TRPM3: variants seen among roughly 807,000 people sequenced by gnomAD.
The protein encoded by TRPM3 is transient receptor potential cation channel subfamily M member 3.
In TRPM3, 77 loss-of-function variants were observed where a neutral mutation model predicts 181.2. That is an observed-to-expected ratio of 0.42 (90% CI 0.35 to 0.51). TRPM3 has a LOEUF of 0.51. Among genes scored for constraint, TRPM3 ranks in the 20% least tolerant of loss-of-function variants. The probability of loss-of-function intolerance (pLI) is 0.01; values close to 1 mark genes in which losing one functional copy is unlikely to be tolerated. For synonymous variants in TRPM3, 745 were observed against 796.4 expected (o/e 0.94, Z 1.09); for missense variants, 1,759 against 2,196.7 (o/e 0.80, Z 3.98).
intron 22 of TRPM3, among the ~76,000 whole-genome samples, chr9:70,557,627 G>A (rs2048039130): frequency 6.6e-6 from 1 of 152,170 alleles, no homozygotes; most frequent in Non-Finnish European, 1.5e-5. Context: ...ACCAGTATCT[G>A]GAGATTTATG....
At chr9:71,265,170 C>A (rs2083301743) in intron 1 of TRPM3, among the ~76,000 whole-genome samples, 1 of 152,028 alleles carries the variant, frequency 6.6e-6, no homozygotes, top group Non-Finnish European at 1.5e-5. Flanking sequence ...GTTAATAAAG[C>A]CACTCATATT....
At chr9:71,275,472 A>G (rs1361068481) in intron 1 of TRPM3, among the ~76,000 whole-genome samples, 1 of 152,152 alleles carries the variant, frequency 6.6e-6, no homozygotes, top group African/African-American at 2.4e-5. Flanking sequence ...ATTTGATTGC[A>G]ATAAAAATTC....
chr9:71,436,388 T>C (rs10114640), intron 1 of TRPM3, among the ~76,000 whole-genome samples: 21,621 of 147,446 alleles, frequency 0.15, 1,892 homozygotes, highest in African/African-American at 0.24. Flanking sequence ...CTGCAATCTC[T>C]GCCTCCTGGG....
intron 1 of TRPM3, among the ~76,000 whole-genome samples, chr9:71,259,131 G>T (rs1397653843): frequency 6.6e-6 from 1 of 151,998 alleles, no homozygotes; most frequent in Non-Finnish European, 1.5e-5. Flanking sequence ...ACTTATGAGT[G>T]AGAACATGTG....
chr9:70,625,371 A>G lies in TRPM3; in HGVS notation c.1669-40T>C, dbSNP rs2064378583. The G allele has an allele frequency of 6.2e-7, 1 of 1,612,618 alleles. No homozygotes were observed. Among genetic ancestry groups the G allele is most frequent in the East Asian group, 2.2e-5 (1 of 44,860 alleles). On this transcript the variant is annotated intron_variant, in intron 13 of 25. Transcript: ENST00000677713. The surrounding 1 kb of genome is among the most constrained non-coding windows in gnomAD (Gnocchi z 4.8). ...TGAAACAAACAGACAAATCCAAAAG[A>G]CAACGTGGTTTACTAGGGATTCTAC...
intron 21 of TRPM3, among the ~76,000 whole-genome samples, chr9:70,593,161 T>C (rs2058425644): frequency 6.6e-6 from 1 of 152,232 alleles, no homozygotes; most frequent in Admixed American, 6.5e-5. Context: ...GTTGCATGAC[T>C]TAAAAACCAA....
intron 1 of TRPM3, among the ~76,000 whole-genome samples, chr9:71,017,029 C>T (rs542980176): frequency 6.6e-6 from 1 of 152,206 alleles, no homozygotes; most frequent in East Asian, 1.9e-4. Context: ...TCAGATTTAA[C>T]CACTTGAGCA....
At chr9:70,933,085 A>G (rs1035519851) in intron 1 of TRPM3, among the ~76,000 whole-genome samples, 1 of 152,148 alleles carries the variant, frequency 6.6e-6, no homozygotes, top group East Asian at 1.9e-4. Context: ...AAAAGATGAA[A>G]CCATTTAATG....
At chr9:70,984,587 GAA>G (rs2097400487) in intron 1 of TRPM3, among the ~76,000 whole-genome samples, 1 of 152,208 alleles carries the variant, frequency 6.6e-6, no homozygotes, top group African/African-American at 2.4e-5. Flanking sequence ...CCAGTGACCA[GAA>G]AACAGATATT....
intron 22 of TRPM3, among the ~76,000 whole-genome samples, chr9:70,578,416 T>C (rs908427692): frequency 1.3e-5 from 2 of 152,118 alleles, no homozygotes; most frequent in African/African-American, 4.8e-5. Context: ...TTCTAAATCA[T>C]AGGTTAAGGC....
At chr9:70,692,074 T>A (rs890429976) in intron 8 of TRPM3, among the ~76,000 whole-genome samples, 4 of 152,240 alleles carry the variant, frequency 2.6e-5, no homozygotes, top group Admixed American at 6.5e-5. Context: ...GCTTTCTTTT[T>A]TCCCCCCTGC....
At chr9:70,983,973 G>A (rs1057286726) in intron 1 of TRPM3, among the ~76,000 whole-genome samples, 3 of 152,072 alleles carry the variant, frequency 2.0e-5, no homozygotes, top group African/African-American at 4.8e-5. Flanking sequence ...CATTTTTATC[G>A]ATGGTCTGGC....
chr9:71,315,104 G>C (rs2088433431), intron 1 of TRPM3, among the ~76,000 whole-genome samples: 1 of 152,080 alleles, frequency 6.6e-6, no homozygotes, highest in South Asian at 2.1e-4. Context: ...GTACATGGTA[G>C]GGTTTAATAA....
At chr9:70,689,536 A>T (rs561579314) in intron 8 of TRPM3, among the ~76,000 whole-genome samples, 1 of 151,564 alleles carries the variant, frequency 6.6e-6, no homozygotes, top group African/African-American at 2.4e-5. Context: ...AAAAAACAAC[A>T]AGAGAGATGA....
rs771584919 is a variant in TRPM3 at position 70,536,575 on chromosome 9, C to G, written c.4538G>C (p.Ser1513Thr). Residue 1513 changes from serine to threonine, a missense_variant, in exon 26 of 26, where the codon AGT becomes ACT. Coordinates refer to ENST00000677713, the MANE Select transcript of TRPM3 (RefSeq NM_001366145.2). Reference sequence around the variant, plus strand: ...GGGTGTGGTGGCTAGGTAGCGGCTACTTTTGGAACGCTCAATGGTGTGGTA... The same window carrying G: ...GGGTGTGGTGGCTAGGTAGCGGCTAGTTTTGGAACGCTCAATGGTGTGGTA... ...PMYHTIERSK[S>T]SRYLATTPFL... is the part of the protein sequence containing the mutation. 6.2e-7 allele frequency: 1 copy of G among 1,613,972 alleles called. No individual in the cohort carries two copies. Among genetic ancestry groups the G allele is most frequent in the African/African-American group, 1.3e-5 (1 of 75,022 alleles).
chr9:71,240,396 T>C (rs2081593442), intron 1 of TRPM3, among the ~76,000 whole-genome samples: 1 of 152,170 alleles, frequency 6.6e-6, no homozygotes, highest in African/African-American at 2.4e-5. Flanking sequence ...GGTGTTCCAT[T>C]TACTAGAGTA....
At chr9:70,936,175 T>G (rs559623809) in intron 1 of TRPM3, among the ~76,000 whole-genome samples, 26 of 152,246 alleles carry the variant, frequency 1.7e-4, no homozygotes, top group Non-Finnish European at 3.5e-4. Flanking sequence ...ATAACAAATG[T>G]ACTGTAAGTT....
intron 1 of TRPM3, among the ~76,000 whole-genome samples, chr9:71,043,975 T>C (rs2059130084): frequency 6.6e-6 from 1 of 152,198 alleles, no homozygotes; most frequent in East Asian, 1.9e-4. Flanking sequence ...TTATTTTCTA[T>C]AATTTTGTAC....
chr9:70,827,924 G>C lies in TRPM3; in HGVS notation c.896C>G (p.Thr299Ser), dbSNP rs774213479. 1.2e-6 allele frequency: 2 copies of C among 1,614,100 alleles called. No homozygotes were observed. The highest frequency in any genetic ancestry group is 1.7e-6 in the Non-Finnish European group (2 of 1,179,986). ...CACCTCTGCTCCATATTTTCCAGTGGTCCCGTTGTCAGCCAGAATGAAGTG... is the reference window on the plus strand; with the variant it reads ...CACCTCTGCTCCATATTTTCCAGTGCTCCCGTTGTCAGCCAGAATGAAGTG... ...HSHFILADNG[T>S]TGKYGAEVKL... Residue 299 changes from threonine to serine, a missense_variant, in exon 6 of 26, where the codon ACC becomes AGC. Coordinates refer to ENST00000677713, the MANE Select transcript of TRPM3 (RefSeq NM_001366145.2).
Sources: gnomAD v4.1 joint callset for allele counts (sites outside exome capture counted in the v4.1 genomes callset) on GRCh38, gnomAD v4.1.1 for gene constraint, Gnocchi (gnomAD v3.1) non-coding constraint, MANE v1.5 for transcripts, NCBI Gene and HGNC (gene_info 2026-07-23, HGNC 2026-07-21) for gene names.